MAF: variants seen among roughly 807,000 people sequenced by gnomAD.
MAF encodes the protein MAF bZIP transcription factor.
Under a neutral mutation model 22.0 loss-of-function variants are expected in MAF, and 10 were observed. That is an observed-to-expected ratio of 0.45 (90% CI 0.28 to 0.77). The LOEUF (loss-of-function observed/expected upper bound fraction) is 0.77, where lower values mean the gene tolerates loss of function less well. Among genes scored for constraint, MAF ranks in the 30% least tolerant of loss-of-function variants. The pLI, the probability that MAF is intolerant of heterozygous loss-of-function variation, is 0.12. For missense variants in MAF, 544 were observed against 548.4 expected (o/e 0.99, Z 0.08); for synonymous variants, 337 against 255.8 (o/e 1.32, Z -3.03).
At chr16:79,212,340 G>C in the MAF span, 1 of 670,874 alleles carries the variant, frequency 1.5e-6, no homozygotes, top group South Asian at 2.3e-5. Flanking sequence ...CAGCCAGTGA[G>C]GATGACAGTG....
chr16:79,397,029 C>T, the MAF span, among the ~76,000 whole-genome samples: 30 of 152,318 alleles, frequency 2.0e-4, 1 homozygote, highest in African/African-American at 7.0e-4. Flanking sequence ...TCTCTGAAGT[C>T]GGTTGACTCA....
At chr16:79,242,280 G>T in the MAF span, among the ~76,000 whole-genome samples, 1 of 151,322 alleles carries the variant, frequency 6.6e-6, no homozygotes, top group Non-Finnish European at 1.5e-5. Context: ...TAGGTGTGTG[G>T]TATTCAGGAG....
At chr16:79,574,198 T>G in the MAF span, among the ~76,000 whole-genome samples, 1 of 152,226 alleles carries the variant, frequency 6.6e-6, no homozygotes, top group African/African-American at 2.4e-5. Context: ...GGTTTAATAC[T>G]ATGCTTTAGA....
chr16:79,466,449 A>T, the MAF span, among the ~76,000 whole-genome samples: 1 of 152,210 alleles, frequency 6.6e-6, no homozygotes, highest in African/African-American at 2.4e-5. Context: ...CAAAGAAAAT[A>T]TTCAAGCATC....
the MAF span, among the ~76,000 whole-genome samples, chr16:79,524,991 A>T: frequency 6.6e-6 from 1 of 152,324 alleles, no homozygotes; most frequent in East Asian, 1.9e-4. Flanking sequence ...AATGAGTGCA[A>T]AACTGTGTAA....
At chr16:79,352,099 G>A in the MAF span, among the ~76,000 whole-genome samples, 10 of 152,122 alleles carry the variant, frequency 6.6e-5, no homozygotes, top group Non-Finnish European at 1.5e-5. Context: ...TAGGGGAGAT[G>A]GCACCTGCTT....
chr16:79,528,566 C>G, the MAF span, among the ~76,000 whole-genome samples: 16,464 of 151,944 alleles, frequency 0.11, 1,047 homozygotes, highest in South Asian at 0.16. Flanking sequence ...AGGCTCAGCC[C>G]TGGTGAATGT....
At chr16:79,271,870 A>G in the MAF span, among the ~76,000 whole-genome samples, 5 of 152,322 alleles carry the variant, frequency 3.3e-5, no homozygotes, top group African/African-American at 1.2e-4. Flanking sequence ...TGCTGCCTGT[A>G]ACAGTAGCAG....
the MAF span, among the ~76,000 whole-genome samples, chr16:79,482,818 G>A: frequency 2.0e-5 from 3 of 147,210 alleles, no homozygotes; most frequent in African/African-American, 7.7e-5. Context: ...AGACTCAGTA[G>A]GGCATACATC....
chr16:79,593,323 G>C (rs1301504103), downstream of MAF, among the ~76,000 whole-genome samples: 1 of 152,160 alleles, frequency 6.6e-6, no homozygotes, highest in Non-Finnish European at 1.5e-5. Flanking sequence ...TTTAGACCAG[G>C]ACATGCTGGG....
the MAF span, among the ~76,000 whole-genome samples, chr16:79,234,360 G>A: frequency 6.6e-6 from 1 of 152,038 alleles, no homozygotes; most frequent in South Asian, 2.1e-4. Context: ...TAATACACAC[G>A]ATGATAGAAG....
chr16:79,220,135 A>T, the MAF span, among the ~76,000 whole-genome samples: 2 of 151,660 alleles, frequency 1.3e-5, no homozygotes, highest in Non-Finnish European at 2.9e-5. Context: ...GGGCACCTGT[A>T]GTCCCAGTTA....
chr16:79,211,939 A>T, the MAF span: 7 of 1,537,690 alleles, frequency 4.6e-6, no homozygotes, highest in African/African-American at 1.4e-5. Context: ...ACAGAGTGAA[A>T]AATCTTAAGT....
chr16:79,595,108 T>C, intron 1 of MAF: 1 of 1,037,440 alleles, frequency 9.6e-7, no homozygotes, highest in Non-Finnish European at 1.2e-6. Flanking sequence ...TTTGTGTATC[T>C]CTTAGTTGTG....
chr16:79,353,419 G>A, the MAF span, among the ~76,000 whole-genome samples: 3 of 152,080 alleles, frequency 2.0e-5, no homozygotes, highest in South Asian at 2.1e-4. Flanking sequence ...TTGAGCCACC[G>A]TGCCTGGCCT....
chr16:79,565,456 C>T, the MAF span, among the ~76,000 whole-genome samples: 1 of 152,060 alleles, frequency 6.6e-6, no homozygotes, highest in African/African-American at 2.4e-5. Context: ...TCGCTGTGTC[C>T]CCACCCAAAT....
chr16:79,250,314 G>A, the MAF span, among the ~76,000 whole-genome samples: 1 of 152,202 alleles, frequency 6.6e-6, no homozygotes, highest in South Asian at 2.1e-4. Flanking sequence ...TCCCTATTGT[G>A]ATTTTCATGC....
chr16:79,523,194 C>G, the MAF span, among the ~76,000 whole-genome samples: 1 of 152,082 alleles, frequency 6.6e-6, no homozygotes, highest in African/African-American at 2.4e-5. Flanking sequence ...GTGGCAAAAC[C>G]AAAGGGGCAT....
the MAF span, among the ~76,000 whole-genome samples, chr16:79,269,432 T>C: frequency 1.3e-5 from 2 of 152,248 alleles, no homozygotes; most frequent in South Asian, 4.2e-4. Context: ...ACCTCTTTCT[T>C]TCTCTCTGGC....
Sources: gnomAD v4.1 joint callset for allele counts (sites outside exome capture counted in the v4.1 genomes callset) on GRCh38, gnomAD v4.1.1 for gene constraint, MANE v1.5 for transcripts, NCBI Gene and HGNC (gene_info 2026-07-23, HGNC 2026-07-21) for gene names.